The following ENPP2 variants were observed in gnomAD, a reference collection of about 807,000 sequenced individuals.
The protein encoded by ENPP2 is autotaxin.
ENPP2 carries 51 observed loss-of-function variants against 120.2 expected under a neutral mutation model. The observed-to-expected ratio is 0.42, with a 90% CI of 0.34 to 0.54. The LOEUF (loss-of-function observed/expected upper bound fraction) is 0.54, where lower values mean the gene tolerates loss of function less well. ENPP2 is among the 20% of genes least tolerant of loss of function. The pLI is 0.04. For synonymous variants in ENPP2, 365 were observed against 366.4 expected (o/e 1.00, Z 0.04); for missense variants, 920 against 1,066.5 (o/e 0.86, Z 1.91).
chr8:119,638,362 C>T, intron 2 of ENPP2, 63 bp downstream of exon 2: 2 of 815,254 alleles, frequency 2.5e-6, no homozygotes, highest in Non-Finnish European at 2.1e-6. Flanking sequence ...AATAAGCTTA[C>T]ATTGATTACC....
chr8:119,585,739 T>C (rs759669767), intron 15 of ENPP2, among the ~76,000 whole-genome samples: 2 of 152,112 alleles, frequency 1.3e-5, no homozygotes, highest in African/African-American at 2.4e-5. Flanking sequence ...ATGTAAAAAG[T>C]GCCCACAATA....
At chr8:119,590,050 A>C (rs1423730988) in intron 13 of ENPP2, among the ~76,000 whole-genome samples, 1 of 152,194 alleles carries the variant, frequency 6.6e-6, no homozygotes, top group Non-Finnish European at 1.5e-5. Flanking sequence ...CCATTCCACA[A>C]GGCTCCTAGG....
intron 1 of ENPP2, among the ~76,000 whole-genome samples, chr8:119,667,275 C>A (rs1049247782): frequency 6.6e-6 from 1 of 152,222 alleles, no homozygotes; most frequent in African/African-American, 2.4e-5. Flanking sequence ...TAACCATATT[C>A]CTGCCTCTCC....
chr8:119,626,837 G>T, intron 2 of ENPP2, 117 bp from the exon 3 acceptor site: 1 of 889,036 alleles, frequency 1.1e-6, no homozygotes, highest in Non-Finnish European at 1.8e-6. Flanking sequence ...GAGAACACTG[G>T]CTCCATTACT....
intron 2 of ENPP2, 44 bp from the exon 3 acceptor site, chr8:119,626,764 A>G: frequency 1.9e-6 from 3 of 1,590,834 alleles, no homozygotes; most frequent in Non-Finnish European, 2.6e-6. Flanking sequence ...GAGAGTGGTC[A>G]TGTCACCATG....
chr8:119,607,375 C>T (rs1354321134), intron 9 of ENPP2, among the ~76,000 whole-genome samples: 1 of 152,064 alleles, frequency 6.6e-6, no homozygotes, highest in African/African-American at 2.4e-5. Flanking sequence ...GACCATCTTA[C>T]ATTCTGTTGA....
At chr8:119,595,899 C>T in intron 11 of ENPP2, 1 of 1,614,040 alleles carries the variant, frequency 6.2e-7, no homozygotes, top group South Asian at 1.1e-5. Context: ...TATTTTTCTT[C>T]TTCTTTTCTT....
chr8:119,573,393 C>T (rs1157048424), intron 19 of ENPP2, among the ~76,000 whole-genome samples: 2 of 126,182 alleles, frequency 1.6e-5, no homozygotes, highest in Admixed American at 8.3e-5. Context: ...GGTGACAGAG[C>T]GAGGCTCCGT....
chr8:119,643,450 C>T (rs1011436197), upstream of ENPP2, among the ~76,000 whole-genome samples: 2 of 152,196 alleles, frequency 1.3e-5, no homozygotes, highest in Non-Finnish European at 1.5e-5. Context: ...GCAAACTAGA[C>T]TTGTGCTATT....
At chr8:119,621,819 A>G (rs1815918883) in intron 3 of ENPP2, among the ~76,000 whole-genome samples, 1 of 152,230 alleles carries the variant, frequency 6.6e-6, no homozygotes, top group Admixed American at 6.5e-5. Flanking sequence ...GGACCCAACA[A>G]ATTTATGACA....
At chr8:119,632,807 C>A in intron 2 of ENPP2, among the ~76,000 whole-genome samples, 1 of 152,146 alleles carries the variant, frequency 6.6e-6, no homozygotes, top group East Asian at 1.9e-4. Flanking sequence ...CGGTGGCTCA[C>A]GCCTGTAATC....
rs1276831394 is a variant in ENPP2, at chr8:119,580,217, T to C, written c.1729-50A>G. On this transcript the variant is annotated intron_variant, in intron 18 of 24. Coordinates refer to ENST00000075322, the MANE Select transcript of ENPP2 (RefSeq NM_001040092.3). The stretch of plus-strand genomic sequence containing the variant: ...GAAAAAAGAAAGCAAATCAGAAATG[T>C]TCTTTCCCTCTGTGCCCTTCTGTCG... 4.1e-6 allele frequency: 6 copies of C among 1,468,022 alleles called. No individual in the cohort carries two copies. In the African/African-American group the frequency reaches 6.9e-5, roughly 17 times the overall value. 90.9% of individuals were successfully genotyped at this position (1,468,022 alleles called of 1,614,324 possible).
At chr8:119,632,931 TG>T (rs1816772191) in intron 2 of ENPP2, among the ~76,000 whole-genome samples, 1 of 152,072 alleles carries the variant, frequency 6.6e-6, no homozygotes, top group Non-Finnish European at 1.5e-5. Flanking sequence ...TAGCCAGGCA[TG>T]GGGGTGCACA....
At chr8:119,638,317 T>G in intron 2 of ENPP2, 108 bp downstream of exon 2, 1 of 631,114 alleles carries the variant, frequency 1.6e-6, no homozygotes, top group South Asian at 2.1e-5. Context: ...ACTAACTTAG[T>G]TATACTGCAA....
At chr8:119,563,783 C>T (rs1488239837) in intron 23 of ENPP2, among the ~76,000 whole-genome samples, 1 of 151,872 alleles carries the variant, frequency 6.6e-6, no homozygotes, top group Non-Finnish European at 1.5e-5. Context: ...GTGCAATTTA[C>T]ACAAAATTTC....
At chr8:119,581,374 C>T (rs1166105849) in intron 18 of ENPP2, among the ~76,000 whole-genome samples, 1 of 151,998 alleles carries the variant, frequency 6.6e-6, no homozygotes, top group African/African-American at 2.4e-5. Flanking sequence ...TGCTCTGTGG[C>T]CTGGGAGGCT....
rs574670822 is a variant in ENPP2 at position 119,600,827 on chromosome 8, C to T, written c.900-77G>A. ...AAATATCACATATTTTTAAAAAACG[C>T]ATTTAAAAAAAAATGTTCTCAAGTT... On this transcript the variant is annotated intron_variant, in intron 10 of 24. Coordinates refer to ENST00000075322, the MANE Select transcript of ENPP2 (RefSeq NM_001040092.3). 7.0e-6 allele frequency: 6 copies of T among 854,310 alleles called. No individual in the cohort carries two copies. In the East Asian group the frequency reaches 1.0e-4, roughly 14 times the overall value. 52.9% of individuals were successfully genotyped at this position (854,310 alleles called of 1,614,324 possible). A position where few individuals can be genotyped will look rare whatever the true frequency, so the allele number is the denominator to read the frequency against.
At chr8:119,627,563 T>G (rs565546074) in intron 2 of ENPP2, among the ~76,000 whole-genome samples, 2 of 152,144 alleles carry the variant, frequency 1.3e-5, no homozygotes, top group Admixed American at 6.5e-5. Context: ...AAAAAAAATT[T>G]TTAAGATCTA....
intron 19 of ENPP2, among the ~76,000 whole-genome samples, chr8:119,577,169 C>T (rs1289948369): frequency 6.6e-6 from 1 of 152,176 alleles, no homozygotes; most frequent in Non-Finnish European, 1.5e-5. Flanking sequence ...AAAATATCAA[C>T]TACTTACATC....
Sources: gnomAD v4.1 joint callset for allele counts (sites outside exome capture counted in the v4.1 genomes callset) on GRCh38, gnomAD v4.1.1 for gene constraint, MANE v1.5 for transcripts, NCBI Gene and HGNC (gene_info 2026-07-23, HGNC 2026-07-21) for gene names.